The following PTPRC variants were observed in gnomAD, a reference collection of about 807,000 sequenced individuals.
PTPRC encodes the protein protein tyrosine phosphatase receptor type C.
A neutral mutation model predicts 155.9 loss-of-function variants in PTPRC; 44 were observed. That is an observed-to-expected ratio of 0.28 (90% CI 0.22 to 0.36). The LOEUF is 0.36. PTPRC is among the 10% of genes least tolerant of loss of function. PTPRC has a pLI of 1.00. For missense variants in PTPRC, 1,401 were observed against 1,564.6 expected, an observed-to-expected ratio of 0.90 and a Z score of 1.76; for synonymous variants, 525 against 533.1, an observed-to-expected ratio of 0.98 and a Z score of 0.21.
intron 8 of PTPRC, among the ~76,000 whole-genome samples, chr1:198,705,432 C>CTTTT (rs905823899): frequency 3.1e-4 from 43 of 139,382 alleles, no homozygotes; most frequent in Admixed American, 4.4e-4. Context: ...TTCTTTCTTT[C>CTTTT]TTTTTTTTTT....
chr1:198,718,544 G>A (rs959461434), intron 14 of PTPRC, among the ~76,000 whole-genome samples: 3 of 152,138 alleles, frequency 2.0e-5, no homozygotes, highest in Non-Finnish European at 4.4e-5. Context: ...CTTAATTATA[G>A]CTAAATTATT....
chr1:198,720,609 G>A (rs982713193), intron 14 of PTPRC, among the ~76,000 whole-genome samples: 4 of 152,124 alleles, frequency 2.6e-5, no homozygotes, highest in Admixed American at 1.3e-4. Context: ...GATTACAGGC[G>A]TGAGCTACTG....
intron 23 of PTPRC, among the ~76,000 whole-genome samples, chr1:198,737,401 T>C (rs116364567): frequency 1.3e-5 from 2 of 151,698 alleles, no homozygotes; most frequent in African/African-American, 4.8e-5. Flanking sequence ...GTTTCATTCT[T>C]CCACATATGA....
At chr1:198,672,565 G>A (rs1220080251) in intron 2 of PTPRC, among the ~76,000 whole-genome samples, 1 of 152,000 alleles carries the variant, frequency 6.6e-6, no homozygotes, top group African/African-American at 2.4e-5. Context: ...CACCTCCAGG[G>A]TTCAAGCGAC....
At chr1:198,643,184 G>A (rs778117551) in intron 2 of PTPRC, among the ~76,000 whole-genome samples, 1 of 151,322 alleles carries the variant, frequency 6.6e-6, no homozygotes, top group South Asian at 2.1e-4. Context: ...ATTTCAATCT[G>A]CTCTTTTTTG....
At chr1:198,678,780 A>G (rs1480738100) in intron 2 of PTPRC, among the ~76,000 whole-genome samples, 1 of 151,032 alleles carries the variant, frequency 6.6e-6, no homozygotes, top group Non-Finnish European at 1.5e-5. Flanking sequence ...TCCCTTAAAG[A>G]TTCTTTGATG....
intron 31 of PTPRC, among the ~76,000 whole-genome samples, 173 bp downstream of exon 31, chr1:198,752,945 A>G (rs751003869): frequency 5.3e-5 from 8 of 152,084 alleles, no homozygotes; most frequent in Non-Finnish European, 8.8e-5. Context: ...GTAGAAATAT[A>G]ATAGAAGTGA....
intron 14 of PTPRC, among the ~76,000 whole-genome samples, chr1:198,719,309 T>C (rs1653762707): frequency 6.6e-6 from 1 of 152,158 alleles, no homozygotes; most frequent in African/African-American, 2.4e-5. Flanking sequence ...TCTTTACTTA[T>C]TGTTCTTTGT....
intron 2 of PTPRC, among the ~76,000 whole-genome samples, chr1:198,650,406 C>T (rs968055076): frequency 2.0e-5 from 3 of 151,738 alleles, no homozygotes; most frequent in African/African-American, 4.8e-5. Flanking sequence ...GGATGGTGAT[C>T]TGGACCAAGT....
chr1:198,689,358 T>C (rs1665803313), intron 2 of PTPRC, among the ~76,000 whole-genome samples: 1 of 152,210 alleles, frequency 6.6e-6, no homozygotes, highest in East Asian at 1.9e-4. Flanking sequence ...TGTCCCAGCA[T>C]TTTTCTTCTC....
At chr1:198,743,643 AG>A in intron 25 of PTPRC, among the ~76,000 whole-genome samples, 1 of 151,978 alleles carries the variant, frequency 6.6e-6, no homozygotes, top group Admixed American at 6.6e-5. Flanking sequence ...CTATAAAAAA[AG>A]GTTTTCTAAG....
Position 198,752,628 on chromosome 1 carries a change from A to G in PTPRC, c.3365A>G (p.Tyr1122Cys). 6.2e-7 allele frequency: 1 copy of G among 1,612,770 alleles called. No individual in the cohort carries two copies. Among genetic ancestry groups the G allele is most frequent in the African/African-American group, 1.3e-5 (1 of 74,972 alleles). Residue 1122 changes from tyrosine to cysteine, a missense_variant, in exon 31 of 33, where the codon TAT becomes TGT. Physicochemically the swap from Tyr to Cys is radical, Grantham distance 194. This residue lies in a region of PTPRC where 400 missense variants were observed against 389.5 expected (regional missense o/e 1.03). Coordinates refer to ENST00000442510, the MANE Select transcript of PTPRC (RefSeq NM_002838.5). ...TCTCGAACTGTGTACCAGTACCAATATACAAACTGGAGTGTGGAGCAGCTT... is the reference window on the plus strand; with the variant it reads ...TCTCGAACTGTGTACCAGTACCAATGTACAAACTGGAGTGTGGAGCAGCTT... The part of the protein sequence containing the change: ...KDSRTVYQYQ[Y>C]TNWSVEQLPA...
intron 3 of PTPRC, chr1:198,692,607 A>T (rs1472478911): frequency 2.0e-6 from 2 of 1,015,250 alleles, no homozygotes; most frequent in Non-Finnish European, 2.4e-6. Context: ...ATAAATAGTA[A>T]CTTTTCCCAA....
chr1:198,647,129 C>A (rs375680094), intron 2 of PTPRC, among the ~76,000 whole-genome samples: 11 of 151,918 alleles, frequency 7.2e-5, no homozygotes, highest in African/African-American at 2.7e-4. Flanking sequence ...AAATTGTATT[C>A]AAATTTACTG....
chr1:198,658,601 C>A (rs1039429933), intron 2 of PTPRC, among the ~76,000 whole-genome samples: 1 of 152,062 alleles, frequency 6.6e-6, no homozygotes, highest in African/African-American at 2.4e-5. Flanking sequence ...CTTTTACAGA[C>A]TAATTAACAA....
At chr1:198,695,421 C>A (rs1199935868) in intron 3 of PTPRC, among the ~76,000 whole-genome samples, 54 of 123,446 alleles carry the variant, frequency 4.4e-4, no homozygotes, top group African/African-American at 7.4e-4. Context: ...ATATGTTAAG[C>A]AAAAAAAAAA....
Position 198,744,099 on chromosome 1 carries a change from T to C in PTPRC, c.2743T>C (p.Phe915Leu). The change falls in exon 26 of 33, where the codon TTT becomes CTT. Residue 915 changes from phenylalanine to leucine, a missense_variant. Transcript: ENST00000442510. ...TCAGGCTTTGGTGGAATACAATCAG[T>C]TTGGAGAAACAGAAGTGAATTTGTC... ...IHQALVEYNQ[F>L]GETEVNLSEL... 2 of 1,606,030 alleles carry C rather than the reference T, an allele frequency of 1.2e-6. No homozygotes were observed. The highest frequency in any genetic ancestry group is 1.7e-6 in the Non-Finnish European group (2 of 1,173,534).
chr1:198,713,108 G>A (rs1432808812), intron 12 of PTPRC, 36 bp downstream of exon 12: 1 of 1,612,156 alleles, frequency 6.2e-7, no homozygotes, highest in Admixed American at 1.7e-5. Flanking sequence ...TCAGAAAAGA[G>A]AAATCAAGAA....
chr1:198,695,166 T>A (rs1666133768), intron 3 of PTPRC: 3 of 885,860 alleles, frequency 3.4e-6, no homozygotes, highest in Non-Finnish European at 2.7e-6. Flanking sequence ...CTGGGTTTTT[T>A]ATTTATCATA....
Sources: allele counts gnomAD v4.1 joint callset (sites outside exome capture counted in the v4.1 genomes callset), GRCh38; gene constraint gnomAD v4.1.1; regional missense constraint gnomAD v4.1.1; transcripts MANE v1.5; gene names NCBI Gene and HGNC (gene_info 2026-07-23, HGNC 2026-07-21).